TMEM131: variants seen among roughly 807,000 people sequenced by gnomAD.
The protein encoded by TMEM131 is transmembrane protein 131, also known as 2610524E03Rik.
Under a neutral mutation model 211.6 loss-of-function variants are expected in TMEM131, and 66 were observed. The ratio of observed to expected loss-of-function variants is 0.31; its 90% CI spans 0.26 to 0.38. The LOEUF (loss-of-function observed/expected upper bound fraction) is 0.38, where lower values mean the gene tolerates loss of function less well. Among genes scored for constraint, TMEM131 ranks in the 10% least tolerant of loss-of-function variants. The probability of loss-of-function intolerance (pLI) is 1.00; values close to 1 mark genes in which losing one functional copy is unlikely to be tolerated. For missense variants in TMEM131, 2,036 were observed against 2,299.3 expected (o/e 0.89, Z 2.34); for synonymous variants, 844 against 841.3 (o/e 1.00, Z -0.06).
chr2:97,857,305 G>A (rs1426396373), intron 5 of TMEM131, among the ~76,000 whole-genome samples: 1 of 152,036 alleles, frequency 6.6e-6, no homozygotes, highest in Non-Finnish European at 1.5e-5. Context: ...TCTTCGAATG[G>A]GTCACATGTT....
intron 2 of TMEM131, among the ~76,000 whole-genome samples, chr2:97,921,586 T>G (rs1676742106): frequency 1.3e-5 from 2 of 152,202 alleles, no homozygotes; most frequent in South Asian, 4.1e-4. Flanking sequence ...GAGAAGCTAT[T>G]TTCAATATAT....
At position 97,800,331 on chromosome 2, in the gene TMEM131, A is replaced by T. The variant is rs1488689747; in HGVS notation, c.2718+1564T>A. On this transcript the variant is annotated intron_variant, in intron 25 of 40. Transcript: ENST00000186436. ...TCTGACGTCTAGAGTACTCTTACTT[A>T]TTTTCCTATCTCTCACAGTGCTTAG... is the stretch of plus-strand genomic sequence containing the variant. Among the ~76,000 whole-genome samples the T allele has an allele frequency of 2.0e-5, 3 of 152,126 alleles. No homozygotes were observed. The East Asian group carries it at 5.8e-4, about 29-fold the overall frequency.
intron 1 of TMEM131, among the ~76,000 whole-genome samples, chr2:97,932,021 T>G (rs1454672516): frequency 6.8e-6 from 1 of 146,110 alleles, no homozygotes; most frequent in Non-Finnish European, 1.5e-5. Context: ...CTGAAAAACA[T>G]AAGATAAGAA....
chr2:97,855,754 T>C (rs1477388741), intron 5 of TMEM131, among the ~76,000 whole-genome samples: 2 of 152,084 alleles, frequency 1.3e-5, no homozygotes, highest in Non-Finnish European at 2.9e-5. Flanking sequence ...TTCTTACATA[T>C]TAGCATGTCA....
intron 4 of TMEM131, 50 bp downstream of exon 4, chr2:97,888,002 T>C: frequency 7.1e-7 from 1 of 1,403,510 alleles, no homozygotes; most frequent in Non-Finnish European, 1.0e-6. Flanking sequence ...GCATGTAAAA[T>C]ACATTTAATA....
chr2:97,827,693 C>T lies in TMEM131; in HGVS notation c.1074+5672G>A, dbSNP rs1573422921. The T allele has an allele frequency of 1.1e-5, 11 of 1,037,780 alleles. No homozygotes were observed. In the East Asian group the frequency reaches 2.9e-4, roughly 27 times the overall value. 64.3% of individuals were successfully genotyped at this position (1,037,780 alleles called of 1,614,324 possible). ...AAGAAGGAGGGAATCCCACCTCATCCCATTTTTTAAGTGTAAATGCTTTTT... is the reference window on the plus strand; with the variant it reads ...AAGAAGGAGGGAATCCCACCTCATCTCATTTTTTAAGTGTAAATGCTTTTT... On this transcript the variant is annotated intron_variant, in intron 11 of 40. Transcript: ENST00000186436.
chr2:97,839,319 C>A (rs1559392849), intron 7 of TMEM131, among the ~76,000 whole-genome samples: 1 of 47,316 alleles, frequency 2.1e-5, no homozygotes, highest in African/African-American at 2.9e-4. Flanking sequence ...GGAAAACCAA[C>A]CAACCAACCA....
At chr2:97,846,310 T>G (rs1370897950) in intron 5 of TMEM131, among the ~76,000 whole-genome samples, 1 of 152,116 alleles carries the variant, frequency 6.6e-6, no homozygotes, top group African/African-American at 2.4e-5. Flanking sequence ...TACGGCAAAC[T>G]GAATCGAGGC....
intron 1 of TMEM131, among the ~76,000 whole-genome samples, chr2:97,953,028 G>A (rs886541588): frequency 3.3e-5 from 5 of 152,192 alleles, no homozygotes; most frequent in African/African-American, 1.2e-4. Context: ...TACGCTTAAA[G>A]AAGGTCTAAA....
intron 1 of TMEM131, among the ~76,000 whole-genome samples, chr2:97,934,301 A>G (rs187449671): frequency 7.4e-4 from 112 of 152,308 alleles, no homozygotes; most frequent in African/African-American, 2.5e-3. Flanking sequence ...AGTACCTCAG[A>G]TATAAATCTA....
At chr2:97,896,414 C>G (rs1340333090) in intron 3 of TMEM131, among the ~76,000 whole-genome samples, 1 of 151,988 alleles carries the variant, frequency 6.6e-6, no homozygotes, top group Non-Finnish European at 1.5e-5. Context: ...CCTGAATATC[C>G]TTGTTAATTT....
chr2:97,835,005 C>T, intron 8 of TMEM131, 80 bp from the exon 9 acceptor site: 1 of 1,483,290 alleles, frequency 6.7e-7, no homozygotes, highest in South Asian at 1.2e-5. Flanking sequence ...CTGGATGACA[C>T]TGACTGAAAG....
intron 1 of TMEM131, among the ~76,000 whole-genome samples, chr2:97,989,293 G>C (rs1375163847): frequency 6.8e-6 from 1 of 146,830 alleles, no homozygotes; most frequent in South Asian, 2.1e-4. Context: ...AAAAAAAAAG[G>C]AAGGAACTGT....
intron 8 of TMEM131, 23 bp from the exon 9 acceptor site, chr2:97,834,948 T>C: frequency 6.2e-7 from 1 of 1,612,078 alleles, no homozygotes; most frequent in Non-Finnish European, 8.5e-7. Flanking sequence ...CAGACCATAA[T>C]GTAGCACAGC....
At chr2:97,799,636 A>C (rs941616150) in intron 25 of TMEM131, among the ~76,000 whole-genome samples, 1 of 152,212 alleles carries the variant, frequency 6.6e-6, no homozygotes, top group South Asian at 2.1e-4. Flanking sequence ...ATACTTCAAG[A>C]GTTTCCTGAT....
rs146766561 is a variant in TMEM131, at chr2:97,985,474, A to T, written c.187+10002T>A. Among the ~76,000 whole-genome samples the T allele has an allele frequency of 1.4e-3, 217 of 152,234 alleles. 4 individuals are homozygous for T. In the East Asian group the frequency reaches 0.036, roughly 25 times the overall value. ...CGTTTTAATGTAATTGTAACCAAAA[A>T]GCAAATAGCAACTTTAAATTTTCTT... On this transcript the variant is annotated intron_variant, in intron 1 of 40. Transcript: ENST00000186436.
intron 33 of TMEM131, among the ~76,000 whole-genome samples, chr2:97,768,884 G>A (rs1166265171): frequency 1.4e-5 from 2 of 143,878 alleles, no homozygotes; most frequent in South Asian, 2.2e-4. Context: ...TTACAGGTGT[G>A]AGCCACCGTG....
intron 1 of TMEM131, among the ~76,000 whole-genome samples, chr2:97,938,208 G>C (rs560103462): frequency 1.2e-4 from 18 of 152,066 alleles, no homozygotes; most frequent in African/African-American, 4.1e-4. Context: ...TGAGCTAAAT[G>C]CTCCAATTAA....
At chr2:97,766,714 G>A in intron 33 of TMEM131, 112 bp from the exon 34 acceptor site, 14 of 1,278,786 alleles carry the variant, frequency 1.1e-5, no homozygotes, top group Non-Finnish European at 1.2e-5. Flanking sequence ...AAGCTAATGT[G>A]GCTTCCTGGG....
Sources: gnomAD v4.1 joint callset for allele counts (sites outside exome capture counted in the v4.1 genomes callset) on GRCh38, gnomAD v4.1.1 for gene constraint, MANE v1.5 for transcripts, NCBI Gene and HGNC (gene_info 2026-07-23, HGNC 2026-07-21) for gene names.